Variants in CSF3R observed in about 807,000 individuals in gnomAD.
CSF3R encodes the protein colony stimulating factor 3 receptor.
CSF3R carries 52 observed loss-of-function variants against 84.4 expected under a neutral mutation model. The ratio of observed to expected loss-of-function variants is 0.62; its 90% CI spans 0.49 to 0.78. CSF3R has a LOEUF of 0.78. CSF3R is among the 30% of genes least tolerant of loss of function. The probability of loss-of-function intolerance (pLI) is 0.00; values close to 1 mark genes in which losing one functional copy is unlikely to be tolerated. For synonymous variants in CSF3R, 384 were observed against 429.1 expected (o/e 0.89, Z 1.30); for missense variants, 890 against 1,055.7 (o/e 0.84, Z 2.17).
At chr1:36,470,288 G>A (rs1171049843) in intron 10 of CSF3R, among the ~76,000 whole-genome samples, 1 of 152,158 alleles carries the variant, frequency 6.6e-6, no homozygotes, top group Non-Finnish European at 1.5e-5. Context: ...AGGCTCAAGT[G>A]ATTCTCCTGC....
intron 10 of CSF3R, 122 bp downstream of exon 10, chr1:36,471,311 T>G: frequency 1.0e-6 from 1 of 991,278 alleles, no homozygotes; most frequent in South Asian, 1.3e-5. Context: ...CCTCCCAAAG[T>G]GCTGGGATTA....
At chr1:36,482,309 G>C (rs969521959) in intron 1 of CSF3R, among the ~76,000 whole-genome samples, 35 of 152,006 alleles carry the variant, frequency 2.3e-4, no homozygotes, top group African/African-American at 7.5e-4. Flanking sequence ...AGTGGGCGGG[G>C]GGGGGGCACT....
rs1312749005 is a variant in CSF3R, at chr1:36,472,335, G to A, written c.900C>T (p.Ala300=). ...LQYELCGLLP[A]TAYTLQIRCI... ...AGCGTATCTGCAGGGTGTAGGCCGT[G>A]GCTGGGAGGAGCCCGCAGAGCTCAT... The change falls in exon 8 of 17, where the codon GCC becomes GCT. Residue 300 remains alanine (A), a synonymous_variant. Transcript: ENST00000373106. The surrounding 1 kb of genome is among the most constrained non-coding windows in gnomAD (Gnocchi z 5.0). 1 of 1,614,190 alleles carries A rather than the reference G, an allele frequency of 6.2e-7. No homozygotes were observed. Among genetic ancestry groups the A allele is most frequent in the Non-Finnish European group, 8.5e-7 (1 of 1,180,024 alleles).
intron 3 of CSF3R, chr1:36,475,967 C>G (rs1651123990): frequency 2.8e-6 from 1 of 355,946 alleles, no homozygotes; most frequent in Non-Finnish European, 5.2e-6. Context: ...CTGATTTCAG[C>G]CTATTGATGT....
chr1:36,468,483 ACT>A, intron 12 of CSF3R: 1 of 373,110 alleles, frequency 2.7e-6, no homozygotes, highest in Non-Finnish European at 4.8e-6. Context: ...CATCTGATTT[ACT>A]CTCTGATTTC....
At chr1:36,479,965 G>T (rs760422239) in intron 2 of CSF3R, 51 of 301,138 alleles carry the variant, frequency 1.7e-4, no homozygotes, top group Non-Finnish European at 3.1e-4. Context: ...CCAGCACAAA[G>T]TTACATCATC....
intron 9 of CSF3R, 102 bp from the exon 10 acceptor site, chr1:36,471,748 C>A (rs1425521548): frequency 3.3e-6 from 4 of 1,203,720 alleles, no homozygotes; most frequent in Non-Finnish European, 4.8e-6. Flanking sequence ...GGAGCCTCCC[C>A]AGGCTGGGGT....
At chr1:36,478,401 T>TAA (rs1312248904) in intron 3 of CSF3R, among the ~76,000 whole-genome samples, 1 of 151,474 alleles carries the variant, frequency 6.6e-6, no homozygotes, top group East Asian at 2.0e-4. Flanking sequence ...TGGTGGCAGG[T>TAA]GCCTGTAATC....
intron 12 of CSF3R, 42 bp downstream of exon 12, chr1:36,469,114 G>C: frequency 7.1e-7 from 1 of 1,414,582 alleles, no homozygotes. Context: ...CCTTGGGAGA[G>C]AGAGGAGAGG....
Position 36,467,399 on chromosome 1 carries a change from A to T in CSF3R, c.1959-88T>A. 6.9e-7 allele frequency: 1 copy of T among 1,443,766 alleles called. No homozygotes were observed. The highest frequency in any genetic ancestry group is 1.1e-5 in the South Asian group (1 of 87,650). The allele number at this position is 1,443,766 out of a possible 1,614,324, so 89.4% of individuals were successfully genotyped here. A position where few individuals can be genotyped will look rare whatever the true frequency, so the allele number is the denominator to read the frequency against. On this transcript the variant is annotated intron_variant, in intron 15 of 16. Transcript: ENST00000373106. The surrounding 1 kb of genome is among the most constrained non-coding windows in gnomAD (Gnocchi z 4.1). Reference sequence around the variant, plus strand: ...CCACCCACCCCACCTGAAGAGGTGCAGCTGCCCTTAGTGCAGAGAGAAGAA... The same window carrying T: ...CCACCCACCCCACCTGAAGAGGTGCTGCTGCCCTTAGTGCAGAGAGAAGAA...
chr1:36,467,439 C>T lies in CSF3R; in HGVS notation c.1958+119G>A, dbSNP rs984983449. On this transcript the variant is annotated intron_variant, in intron 15 of 16. Coordinates refer to ENST00000373106, the MANE Select transcript of CSF3R (RefSeq NM_000760.4). This position sits in a 1 kb window ranked among gnomAD's most constrained non-coding sequence, Gnocchi z 4.1. Reference sequence around the variant, plus strand: ...AGAGAGAAGAAGCTGGGGGCTGGGACTCTCAGACATGGGCCCCAAAGTTTG... The same window carrying T: ...AGAGAGAAGAAGCTGGGGGCTGGGATTCTCAGACATGGGCCCCAAAGTTTG... 1.3e-5 allele frequency: 18 copies of T among 1,408,226 alleles called. No individual in the cohort carries two copies. The highest frequency in any genetic ancestry group is 1.6e-5 in the Non-Finnish European group (16 of 994,208). The allele number at this position is 1,408,226 out of a possible 1,614,324, so 87.2% of individuals were successfully genotyped here.
intron 10 of CSF3R, 112 bp from the exon 11 acceptor site, chr1:36,469,952 G>T (rs1411507978): frequency 1.8e-6 from 2 of 1,116,032 alleles, no homozygotes; most frequent in South Asian, 1.3e-5. Context: ...GTGACCTTTG[G>T]TAGGTCAACA....
rs146435131 is a variant in CSF3R at position 36,471,476 on chromosome 1, G to T, written c.1242C>A (p.Ala414=). Residue 414 remains alanine, a synonymous_variant, in exon 10 of 17, where the codon GCC becomes GCA. Transcript: ENST00000373106. ...CCACCGGAGTGGGACGAGAGGTCCC[G>T]GCTGAGTTATAGGCCACAAGGGCCA... ...QEVALVAYNS[A]GTSRPTPVVF... is the part of the protein sequence containing the mutation. 4 of 1,614,208 alleles carry T rather than the reference G, an allele frequency of 2.5e-6. No homozygotes were observed. The highest frequency in any genetic ancestry group is 1.7e-4 in the Middle Eastern group (1 of 6,058).
chr1:36,467,730 A>C lies in CSF3R; in HGVS notation c.1865-79T>G. ...TCTCCTCCCTCCGACCAGGGGATTC[A>C]AAGTCAGTCCCCAGCTACTCTCAAA... On this transcript the variant is annotated intron_variant, in intron 14 of 16. Coordinates refer to ENST00000373106, the MANE Select transcript of CSF3R (RefSeq NM_000760.4). The surrounding 1 kb of genome is among the most constrained non-coding windows in gnomAD (Gnocchi z 4.1). 1.9e-6 allele frequency: 3 copies of C among 1,612,828 alleles called. No homozygotes were observed. Among genetic ancestry groups the C allele is most frequent in the East Asian group, 2.2e-5 (1 of 44,880 alleles).
Position 36,479,483 on chromosome 1 carries a change from C to T in CSF3R, c.14G>A (p.Gly5Glu), listed in dbSNP as rs528738573. The change falls in exon 3 of 17, where the codon GGA (glycine) becomes GAA (glutamate). Residue 5 changes from glycine (G) to glutamate (E), a missense_variant. By Grantham distance (98) the Gly-to-Glu change is moderately conservative. Transcript: ENST00000373106. Reference protein sequence around the residue: MARLGNCSLTWAALI... With the variant: MARLENCSLTWAALI... ...GGCAGCCCAAGTCAGGCTGCAGTTT[C>T]CCAGCCTTGCCATAGCACCAACTTG... is the stretch of plus-strand genomic sequence containing the variant. 6.2e-6 allele frequency: 10 copies of T among 1,614,078 alleles called. No homozygotes were observed. Among genetic ancestry groups the T allele is most frequent in the Non-Finnish European group, 2.5e-6 (3 of 1,180,028 alleles).
At chr1:36,469,939 T>G (rs1470407924) in intron 10 of CSF3R, 99 bp from the exon 11 acceptor site, 1 of 1,323,328 alleles carries the variant, frequency 7.6e-7, no homozygotes, top group Non-Finnish European at 1.1e-6. Context: ...ATTTACAGGC[T>G]GGGTGACCTT....
intron 3 of CSF3R, 76 bp from the exon 4 acceptor site, chr1:36,475,749 C>G (rs1291812968): frequency 2.1e-6 from 3 of 1,426,164 alleles, no homozygotes; most frequent in African/African-American, 2.9e-5. Flanking sequence ...CCTTTGTACT[C>G]CTAGACTCAG....
chr1:36,472,389 C>A lies in CSF3R; in HGVS notation c.846G>T (p.Val282=), dbSNP rs144166608. ...PQRGEASWAL[V]GPLPLEALQY... is the part of the protein sequence containing the mutation. Reference sequence around the variant, plus strand: ...GAAGGGCCTCCAAGGGGAGGGGGCCCACCTGGTGAGGGGTGGACAGGACTC... The same window carrying A: ...GAAGGGCCTCCAAGGGGAGGGGGCCAACCTGGTGAGGGGTGGACAGGACTC... The change falls in exon 8 of 17, where the codon GTG becomes GTT. Residue 282 remains valine (V), a splice_region_variant and synonymous_variant. Transcript: ENST00000373106. This position sits in a 1 kb window ranked among gnomAD's most constrained non-coding sequence, Gnocchi z 5.0. 689 of 1,613,890 alleles carry A rather than the reference C, an allele frequency of 4.3e-4. No homozygotes were observed. Among genetic ancestry groups the A allele is most frequent in the Non-Finnish European group, 5.7e-4 (678 of 1,180,022 alleles).
At position 36,475,657 on chromosome 1, in the gene CSF3R, C is replaced by T. The variant is rs370129471; in HGVS notation, c.81G>A (p.Gly27=). 2.5e-6 allele frequency: 4 copies of T among 1,607,374 alleles called. No homozygotes were observed. The African/African-American group carries it at 4.0e-5, about 16-fold the overall frequency. ...CGATGGGGGCTGAGACACTGATGTGCCCGCACTCCTCCAGACCTGGGGTGG... is the reference window on the plus strand; with the variant it reads ...CGATGGGGGCTGAGACACTGATGTGTCCGCACTCCTCCAGACCTGGGGTGG... The part of the protein sequence containing the change: ...LLLPGSLEEC[G]HISVSAPIVH... The change falls in exon 4 of 17, where the codon GGG becomes GGA. Residue 27 remains glycine (G), a synonymous_variant. Coordinates refer to ENST00000373106, the MANE Select transcript of CSF3R (RefSeq NM_000760.4).
Sources: allele counts gnomAD v4.1 joint callset (sites outside exome capture counted in the v4.1 genomes callset), GRCh38; gene constraint gnomAD v4.1.1; non-coding constraint Gnocchi (gnomAD v3.1); transcripts MANE v1.5; gene names NCBI Gene and HGNC (gene_info 2026-07-23, HGNC 2026-07-21).